SRSF4: variants seen among roughly 807,000 people sequenced by gnomAD.
The protein encoded by SRSF4 is serine/arginine-rich splicing factor 4.
In SRSF4, 12 loss-of-function variants were observed where a neutral mutation model predicts 48.8. The ratio of observed to expected loss-of-function variants is 0.25; its 90% CI spans 0.16 to 0.40. SRSF4 has a LOEUF of 0.40. Among genes scored for constraint, SRSF4 ranks in the 10% least tolerant of loss-of-function variants. The pLI is 1.00. For synonymous variants in SRSF4, 248 were observed against 232.5 expected, an observed-to-expected ratio of 1.07 and a Z score of -0.61; for missense variants, 466 against 667.1, an observed-to-expected ratio of 0.70 and a Z score of 3.32.
chr1:29,147,813 GA>G lies in SRSF4; in HGVS notation c.*596del, dbSNP rs1672327983. On this transcript the variant is annotated 3_prime_UTR_variant, in exon 6 of 6. Transcript: ENST00000373795. ...GGGTCACTATACTTTGCAAGACGGG[GA>G]AAAATAAAATTAAAAAAAATTCTTT... 1 of 182,250 alleles carries G rather than the reference GA, an allele frequency of 5.5e-6. No individual in the cohort carries two copies. Among genetic ancestry groups the G allele is most frequent in the South Asian group, 1.0e-4 (1 of 9,532 alleles). The allele number at this position is 182,250 out of a possible 1,614,324, so 11.3% of individuals were successfully genotyped here.
intron 1 of SRSF4, among the ~76,000 whole-genome samples, chr1:29,162,053 G>A (rs1039080515): frequency 6.6e-6 from 1 of 152,130 alleles, no homozygotes; most frequent in Non-Finnish European, 1.5e-5. Context: ...ACGTTGGAGG[G>A]TTTTTTATGT....
At chr1:29,173,100 C>G (rs1672770636) in intron 1 of SRSF4, 2 of 150,116 alleles carry the variant, frequency 1.3e-5, no homozygotes, top group South Asian at 4.2e-4. Flanking sequence ...TACAATTAAC[C>G]TACATTTATT....
At chr1:29,161,667 C>G (rs1030513781) in intron 1 of SRSF4, among the ~76,000 whole-genome samples, 4 of 152,232 alleles carry the variant, frequency 2.6e-5, no homozygotes, top group Non-Finnish European at 5.9e-5. Flanking sequence ...GGTGCGATCT[C>G]AGCTCACTGC....
chr1:29,176,938 C>A (rs1472083376), intron 1 of SRSF4, among the ~76,000 whole-genome samples: 1 of 152,096 alleles, frequency 6.6e-6, no homozygotes, highest in Non-Finnish European at 1.5e-5. Context: ...AAAAATAAAA[C>A]TATAAATTTC....
At position 29,148,800 on chromosome 1, in the gene SRSF4, G is replaced by A. The variant is rs145166993; in HGVS notation, c.1095C>T (p.Arg365=). ...KGRKRSREES[R]SRSRSRSKSE... is the part of the protein sequence containing the mutation. The stretch of plus-strand genomic sequence containing the variant: ...TCTTGCTGCGGCTGCGACTGCGACT[G>A]CGGCTCTCCTCTCTGCTTCTCTTCC... Residue 365 remains arginine, a synonymous_variant, in exon 6 of 6, where the codon CGC becomes CGT. Coordinates refer to ENST00000373795, the MANE Select transcript of SRSF4 (RefSeq NM_005626.5). 581 of 1,610,116 alleles carry A rather than the reference G, an allele frequency of 3.6e-4. 2 individuals are homozygous for A. In the African/African-American group the frequency reaches 4.3e-3, roughly 12 times the overall value.
intron 3 of SRSF4, among the ~76,000 whole-genome samples, chr1:29,155,546 G>A (rs189715141): frequency 6.6e-6 from 1 of 152,300 alleles, no homozygotes; most frequent in African/African-American, 2.4e-5. Flanking sequence ...CAGCTGGAGT[G>A]CAGTGATGTG....
In SRSF4 at chr1:29,148,409, G is replaced by T; in HGVS notation, c.*1C>A. 6.3e-7 allele frequency: 1 copy of T among 1,590,916 alleles called. No homozygotes were observed. Among genetic ancestry groups the T allele is most frequent in the Non-Finnish European group, 8.6e-7 (1 of 1,168,042 alleles). ...GTAGTTCCAGCTGTGGCCATAGCCAGTTAGGACCTTGAGTGGGACCTAGAT... is the reference window on the plus strand; with the variant it reads ...GTAGTTCCAGCTGTGGCCATAGCCATTTAGGACCTTGAGTGGGACCTAGAT... On this transcript the variant is annotated 3_prime_UTR_variant, in exon 6 of 6. Coordinates refer to ENST00000373795, the MANE Select transcript of SRSF4 (RefSeq NM_005626.5).
chr1:29,148,728 G>T lies in SRSF4; in HGVS notation c.1167C>A (p.Gly389=). ...KRGSKRDSKA[G]SSKKKKKEDT... ...CTTCCTTCTTCTTCTTCTTGCTGCT[G>T]CCCGCCTTGCTGTCTCGCTTGCTGC... is the stretch of plus-strand genomic sequence containing the variant. The change falls in exon 6 of 6, where the codon GGC becomes GGA. Residue 389 remains glycine, a synonymous_variant. Coordinates refer to ENST00000373795, the MANE Select transcript of SRSF4 (RefSeq NM_005626.5). 4 of 1,613,664 alleles carry T rather than the reference G, an allele frequency of 2.5e-6. No individual in the cohort carries two copies. Among genetic ancestry groups the T allele is most frequent in the Non-Finnish European group, 3.4e-6 (4 of 1,179,908 alleles).
intron 1 of SRSF4, among the ~76,000 whole-genome samples, chr1:29,181,229 G>A (rs1672950243): frequency 6.6e-6 from 1 of 152,238 alleles, no homozygotes; most frequent in Non-Finnish European, 1.5e-5. Context: ...GGCAAGAGGT[G>A]AAAGGGAGCA....
exon 1 of SRSF4, chr1:29,181,888 TACGCGAGCACGCAGC>T: frequency 1.7e-6 from 1 of 594,546 alleles, no homozygotes; most frequent in Non-Finnish European, 2.5e-6. Context: ...CCCGGCGACG[TACGCGAGCACGCAGC>T]TCGCGAGCGC....
At chr1:29,149,456 G>A (rs374255345) in intron 5 of SRSF4, among the ~76,000 whole-genome samples, 13 of 152,062 alleles carry the variant, frequency 8.5e-5, no homozygotes, top group Non-Finnish European at 1.2e-4. Flanking sequence ...CAAGGCAGGC[G>A]GATCGCGAGG....
chr1:29,179,943 G>A (rs1672929148), intron 1 of SRSF4, among the ~76,000 whole-genome samples: 1 of 152,168 alleles, frequency 6.6e-6, no homozygotes, highest in Non-Finnish European at 1.5e-5. Flanking sequence ...GTCATTTCCT[G>A]CACACTATCA....
In SRSF4 at chr1:29,148,250, C is replaced by T; in HGVS notation, c.*160G>A. 9.3e-7 allele frequency: 1 copy of T among 1,074,892 alleles called. No homozygotes were observed. Among genetic ancestry groups the T allele is most frequent in the Non-Finnish European group, 1.4e-6 (1 of 722,964 alleles). The allele number at this position is 1,074,892 out of a possible 1,614,324, so 66.6% of individuals were successfully genotyped here. ...AGCAGGAAGGCCTGGTGCCAGGAGG[C>T]TTTACTGAGAGGAAGCACTTAGATT... On this transcript the variant is annotated 3_prime_UTR_variant, in exon 6 of 6. Transcript: ENST00000373795.
intron 1 of SRSF4, chr1:29,173,181 A>G (rs1417737180): frequency 2.5e-5 from 3 of 118,474 alleles, no homozygotes; most frequent in Admixed American, 2.4e-4. Flanking sequence ...TCTGTCATCC[A>G]GGCTGGAGTG....
At chr1:29,173,975 G>A (rs751303147) in intron 1 of SRSF4, among the ~76,000 whole-genome samples, 2 of 151,606 alleles carry the variant, frequency 1.3e-5, no homozygotes, top group African/African-American at 4.8e-5. Flanking sequence ...GATCACCTGA[G>A]GTCAGGAGTT....
At chr1:29,157,901 G>A (rs936645893) in intron 3 of SRSF4, among the ~76,000 whole-genome samples, 3 of 152,198 alleles carry the variant, frequency 2.0e-5, no homozygotes, top group African/African-American at 7.2e-5. Context: ...CGGGTGCAGT[G>A]GCTCACGCCT....
chr1:29,150,658 C>G (rs1214694579), intron 4 of SRSF4, among the ~76,000 whole-genome samples: 1 of 152,206 alleles, frequency 6.6e-6, no homozygotes, highest in Non-Finnish European at 1.5e-5. Flanking sequence ...AACCTTCCAT[C>G]TGGATGGTTC....
intron 1 of SRSF4, among the ~76,000 whole-genome samples, chr1:29,162,525 AC>A (rs1672615316): frequency 1.3e-5 from 2 of 152,216 alleles, no homozygotes; most frequent in African/African-American, 4.8e-5. Flanking sequence ...AATAACAACA[AC>A]AAAAGTGCCC....
At chr1:29,174,004 C>T (rs1011301310) in intron 1 of SRSF4, among the ~76,000 whole-genome samples, 2 of 151,430 alleles carry the variant, frequency 1.3e-5, no homozygotes, top group Non-Finnish European at 2.9e-5. Context: ...GCCTGGCCAA[C>T]AAGGTGAAAC....
Sources: gnomAD v4.1 joint callset for allele counts (sites outside exome capture counted in the v4.1 genomes callset) on GRCh38, gnomAD v4.1.1 for gene constraint, MANE v1.5 for transcripts, NCBI Gene and HGNC (gene_info 2026-07-23, HGNC 2026-07-21) for gene names.